Variants in DCAF8L2 observed in about 807,000 individuals in gnomAD.
DCAF8L2 encodes the protein DDB1 and CUL4 associated factor 8 like 2, also known as DDB1- and CUL4-associated factor 8-like protein 2.
For synonymous variants in DCAF8L2, 200 were observed against 190.9 expected, an observed-to-expected ratio of 1.05 and a Z score of -0.39; for missense variants, 430 against 490.7, an observed-to-expected ratio of 0.88 and a Z score of 1.17.
At chrX:27,743,556 C>A (rs1311305559) in intron 4 of DCAF8L2, among the ~76,000 whole-genome samples, 5 of 107,566 alleles carry the variant, frequency 4.6e-5, no homozygotes, top group African/African-American at 1.7e-4. Flanking sequence ...CCACCACGAC[C>A]GGCTAATTTT....
the DCAF8L2 span, among the ~76,000 whole-genome samples, chrX:27,528,093 T>TA: frequency 2.7e-4 from 19 of 71,530 alleles, no homozygotes; most frequent in East Asian, 1.7e-3. Context: ...ATTATTAGAC[T>TA]AATTTTTAAT....
chrX:27,718,972 A>T (rs1931795548), intron 4 of DCAF8L2, among the ~76,000 whole-genome samples: 1 of 111,866 alleles, frequency 8.9e-6, no homozygotes, highest in Non-Finnish European at 1.9e-5. Context: ...ACAGGCACGC[A>T]TATACACCCA....
At chrX:27,523,808 C>T in the DCAF8L2 span, among the ~76,000 whole-genome samples, 2 of 110,269 alleles carry the variant, frequency 1.8e-5, no homozygotes, top group Non-Finnish European at 3.8e-5. Context: ...TGATGTTCCC[C>T]TTCCTGTGTC....
intron 4 of DCAF8L2, among the ~76,000 whole-genome samples, chrX:27,729,798 A>C (rs1302432199): frequency 8.9e-6 from 1 of 111,980 alleles, no homozygotes; most frequent in Non-Finnish European, 1.9e-5. Context: ...TTAGAATTTC[A>C]ACATATTAAT....
chrX:27,605,420 A>G (rs1473186284), intron 1 of DCAF8L2, among the ~76,000 whole-genome samples: 1 of 111,219 alleles, frequency 9.0e-6, no homozygotes, highest in African/African-American at 3.3e-5. Context: ...TTCTTAAGTC[A>G]TATATACATA....
At chrX:27,568,414 A>G in the DCAF8L2 span, among the ~76,000 whole-genome samples, 1 of 111,815 alleles carries the variant, frequency 8.9e-6, no homozygotes, top group South Asian at 3.7e-4. Flanking sequence ...GACATGAATC[A>G]AAGTCTTATC....
chrX:27,490,012 G>A, the DCAF8L2 span, among the ~76,000 whole-genome samples: 1 of 111,274 alleles, frequency 9.0e-6, no homozygotes, highest in Admixed American at 9.6e-5. Flanking sequence ...GAGTAGCTAG[G>A]ACTACAGGTG....
intron 1 of DCAF8L2, among the ~76,000 whole-genome samples, chrX:27,591,958 G>A (rs1266651851): frequency 8.9e-6 from 1 of 112,523 alleles, no homozygotes; most frequent in Non-Finnish European, 1.9e-5. Context: ...GCACAGCCTG[G>A]TTGTCGTCCA....
intron 1 of DCAF8L2, among the ~76,000 whole-genome samples, chrX:27,591,014 T>TATATATATATATATATATATATAA (rs201564902): frequency 7.2e-5 from 7 of 96,788 alleles, no homozygotes; most frequent in East Asian, 6.5e-4. Flanking sequence ...TATATATATA[T>TATATATATATATATATATATATAA]AAATAAATAA....
the DCAF8L2 span, among the ~76,000 whole-genome samples, chrX:27,501,234 C>T: frequency 9.7e-6 from 1 of 103,417 alleles, no homozygotes; most frequent in South Asian, 5.2e-4. Flanking sequence ...CTCGTCCTAC[C>T]TCCCCCTCCT....
At chrX:27,701,369 G>C (rs1931124675) in intron 3 of DCAF8L2, among the ~76,000 whole-genome samples, 1 of 111,237 alleles carries the variant, frequency 9.0e-6, no homozygotes, top group Non-Finnish European at 1.9e-5. Flanking sequence ...ATACTGTAAA[G>C]TGACTAGACC....
chrX:27,512,440 T>C, the DCAF8L2 span, among the ~76,000 whole-genome samples: 1 of 109,840 alleles, frequency 9.1e-6, no homozygotes, highest in Non-Finnish European at 1.9e-5. Flanking sequence ...TCCCAGCACT[T>C]TGGGGGGCCG....
intron 2 of DCAF8L2, among the ~76,000 whole-genome samples, chrX:27,638,973 A>T (rs1327239242): frequency 1.8e-5 from 2 of 111,707 alleles, no homozygotes; most frequent in Admixed American, 9.5e-5. Context: ...CAAGTAAGTA[A>T]AACAAAAACT....
chrX:27,541,343 T>TTTA, the DCAF8L2 span, among the ~76,000 whole-genome samples: 3 of 94,086 alleles, frequency 3.2e-5, no homozygotes, highest in Admixed American at 1.2e-4. Context: ...TTATTTTTTA[T>TTTA]TTTATTTATT....
intron 1 of DCAF8L2, among the ~76,000 whole-genome samples, chrX:27,619,004 A>AATCTATCTATCTATCTATCT: frequency 9.8e-6 from 1 of 101,681 alleles, no homozygotes; most frequent in South Asian, 4.6e-4. Flanking sequence ...ATCTATATCT[A>AATCTATCTATCTATCTATCT]ATCTATCTAT....
chrX:27,482,995 C>T, the DCAF8L2 span, among the ~76,000 whole-genome samples: 1 of 111,321 alleles, frequency 9.0e-6, no homozygotes, highest in East Asian at 2.8e-4. Flanking sequence ...TTTGTGTTTT[C>T]ATTAATTCAG....
the DCAF8L2 span, among the ~76,000 whole-genome samples, chrX:27,552,488 T>C: frequency 8.9e-6 from 1 of 111,798 alleles, no homozygotes; most frequent in African/African-American, 3.2e-5. Context: ...TGAGAAATAA[T>C]GGCCTAGTTT....
chrX:27,618,848 A>T lies in DCAF8L2; in HGVS notation c.-341-13031A>T, dbSNP rs191971588. On this transcript the variant is annotated intron_variant, in intron 1 of 4. Transcript: ENST00000451261. ...GGATTTTAAGCTTTATTGATCATAG[A>T]CCAAAAGTAGTAAAGCTTTGGGAAA... Among the ~76,000 whole-genome samples the T allele has an allele frequency of 1.1e-4, 12 of 111,083 alleles. No homozygotes were observed. In the East Asian group the frequency reaches 3.1e-3, roughly 29 times the overall value.
intron 2 of DCAF8L2, among the ~76,000 whole-genome samples, chrX:27,655,272 T>C (rs1451775909): frequency 8.9e-6 from 1 of 112,282 alleles, no homozygotes; most frequent in Admixed American, 9.5e-5. Flanking sequence ...TTTCAAGAGA[T>C]TGATTAAAAT....
Sources: allele counts gnomAD v4.1 joint callset (sites outside exome capture counted in the v4.1 genomes callset), GRCh38; gene constraint gnomAD v4.1.1; transcripts MANE v1.5; gene names NCBI Gene and HGNC (gene_info 2026-07-23, HGNC 2026-07-21).